Variants in TTLL11 observed in about 807,000 individuals in gnomAD.
TTLL11 encodes the protein tubulin tyrosine ligase like 11, also known as tubulin polyglutamylase TTLL11.
TTLL11 carries 42 observed loss-of-function variants against 51.7 expected under a neutral mutation model. The ratio of observed to expected loss-of-function variants is 0.81; its 90% confidence interval spans 0.64 to 1.05. The LOEUF (loss-of-function observed/expected upper bound fraction) is 1.05, where lower values mean the gene tolerates loss of function less well. TTLL11 is among the 50% of genes least tolerant of loss of function. TTLL11 has a pLI of 0.00. For missense variants in TTLL11, 799 were observed against 940.4 expected (o/e 0.85, Z 1.97); for synonymous variants, 381 against 383.5 (o/e 0.99, Z 0.08).
rs149570684 is a variant in TTLL11, at chr9:121,877,373, C to T, written c.1482-6625G>A. On this transcript the variant is annotated intron_variant, in intron 6 of 8. Transcript: ENST00000321582. Reference sequence around the variant, plus strand: ...TATCGCAGAGGCTCCATTTGCCTGACGGGTGATGCTAGGCAACTTGAAGGG... The same window carrying T: ...TATCGCAGAGGCTCCATTTGCCTGATGGGTGATGCTAGGCAACTTGAAGGG... Among the ~76,000 whole-genome samples, 154 of 152,300 alleles carry T rather than the reference C, an allele frequency of 1.0e-3. 1 individual carries two copies. Among genetic ancestry groups the T allele is most frequent in the African/African-American group, 3.5e-3 (145 of 41,572 alleles).
Position 121,968,323 on chromosome 9 carries a change from G to A in TTLL11, c.1481+5686C>T, listed in dbSNP as rs574510391. Among the ~76,000 whole-genome samples, 6 of 152,234 alleles carry A rather than the reference G, an allele frequency of 3.9e-5. No homozygotes were observed. In the East Asian group the frequency reaches 9.6e-4, roughly 24 times the overall value. On this transcript the variant is annotated intron_variant, in intron 6 of 8. Transcript: ENST00000321582. Reference sequence around the variant, plus strand: ...TGTTTTCCTCCTTCAGGAGCCAAAGGTAATTTCTCCTAACACATGAAATAA... The same window carrying A: ...TGTTTTCCTCCTTCAGGAGCCAAAGATAATTTCTCCTAACACATGAAATAA...
At chr9:121,903,204 G>A (rs1839829915) in intron 6 of TTLL11, among the ~76,000 whole-genome samples, 1 of 152,106 alleles carries the variant, frequency 6.6e-6, no homozygotes, top group Non-Finnish European at 1.5e-5. Flanking sequence ...CTATTTTACA[G>A]ACAGAAAAAC....
chr9:122,003,750 G>A (rs1372659126), intron 3 of TTLL11, among the ~76,000 whole-genome samples: 15 of 150,596 alleles, frequency 1.0e-4, no homozygotes, highest in African/African-American at 2.2e-4. Context: ...CTCCCAAAGC[G>A]CTGGGATTAC....
intron 6 of TTLL11, among the ~76,000 whole-genome samples, chr9:121,957,624 AG>A (rs1842060644): frequency 6.6e-6 from 1 of 152,142 alleles, no homozygotes; most frequent in Non-Finnish European, 1.5e-5. Context: ...AGGGGCAAGG[AG>A]TCCTTGAGGC....
intron 3 of TTLL11, among the ~76,000 whole-genome samples, chr9:122,027,894 T>C (rs1323556165): frequency 6.6e-6 from 1 of 152,328 alleles, no homozygotes. Context: ...AGTTTCTTTA[T>C]AGGATAATTG....
intron 6 of TTLL11, among the ~76,000 whole-genome samples, chr9:121,871,405 C>G (rs1838351582): frequency 6.6e-6 from 1 of 152,094 alleles, no homozygotes. Flanking sequence ...CCCCCTGCCC[C>G]AAATCTATGT....
At chr9:122,038,910 T>C (rs1291180869) in intron 2 of TTLL11, among the ~76,000 whole-genome samples, 2 of 152,222 alleles carry the variant, frequency 1.3e-5, no homozygotes, top group Non-Finnish European at 2.9e-5. Flanking sequence ...GGGAAGCTGA[T>C]ACCCCATTTC....
At chr9:122,053,314 C>T (rs1285900560) in intron 1 of TTLL11, among the ~76,000 whole-genome samples, 1 of 152,074 alleles carries the variant, frequency 6.6e-6, no homozygotes, top group Admixed American at 6.6e-5. Context: ...GCCACTGGAG[C>T]GGGGCGTGAA....
chr9:121,854,157 A>G (rs1837749134), intron 8 of TTLL11, among the ~76,000 whole-genome samples: 1 of 152,130 alleles, frequency 6.6e-6, no homozygotes, highest in African/African-American at 2.4e-5. Context: ...CGCAGATTGA[A>G]AGCCCAGTTT....
At chr9:121,880,510 G>C (rs534801968) in intron 6 of TTLL11, among the ~76,000 whole-genome samples, 2 of 152,208 alleles carry the variant, frequency 1.3e-5, no homozygotes, top group African/African-American at 4.8e-5. Flanking sequence ...TCATCATCAA[G>C]AAATTTTTTG....
chr9:121,899,903 C>T lies in TTLL11; in HGVS notation c.1482-29155G>A, dbSNP rs146225555. On this transcript the variant is annotated intron_variant, in intron 6 of 8. Coordinates refer to ENST00000321582, the MANE Select transcript of TTLL11 (RefSeq NM_001139442.2). ...TGACTAAATTTAAAAATTACCCTTC[C>T]AAATGTCTCTTAGGAGTTTTACATT... Among the ~76,000 whole-genome samples the T allele has an allele frequency of 3.0e-3, 460 of 152,322 alleles. 3 individuals carry two copies. The highest frequency in any genetic ancestry group is 0.011 in the African/African-American group (442 of 41,554).
intron 2 of TTLL11, among the ~76,000 whole-genome samples, chr9:122,032,170 C>T (rs1449166752): frequency 2.6e-5 from 4 of 152,158 alleles, no homozygotes; most frequent in African/African-American, 9.7e-5. Flanking sequence ...AATAGGGAAG[C>T]ATTTATATCT....
At chr9:121,936,963 T>A (rs1159543652) in intron 6 of TTLL11, among the ~76,000 whole-genome samples, 2 of 152,242 alleles carry the variant, frequency 1.3e-5, no homozygotes, top group African/African-American at 4.8e-5. Flanking sequence ...GTCTTTGACA[T>A]CATTTCAAAT....
In TTLL11 at chr9:121,956,554, G is replaced by T. The variant is rs1477091370; in HGVS notation, c.1481+17455C>A. Among the ~76,000 whole-genome samples, 9 of 152,306 alleles carry T rather than the reference G, an allele frequency of 5.9e-5. No homozygotes were observed. The East Asian group carries it at 1.7e-3, about 29-fold the overall frequency. Reference sequence around the variant, plus strand: ...GTTTCAATGGCCTCCCTCGCCAGGGGCATCCTCCATCACTGTGCATGAGGA... The same window carrying T: ...GTTTCAATGGCCTCCCTCGCCAGGGTCATCCTCCATCACTGTGCATGAGGA... On this transcript the variant is annotated intron_variant, in intron 6 of 8. Coordinates refer to ENST00000321582, the MANE Select transcript of TTLL11 (RefSeq NM_001139442.2).
intron 3 of TTLL11, among the ~76,000 whole-genome samples, chr9:122,026,872 T>C (rs1844358953): frequency 8.1e-6 from 1 of 123,006 alleles, no homozygotes; most frequent in Non-Finnish European, 1.7e-5. Context: ...GAATCTAACA[T>C]GAGAAAAATC....
At chr9:121,986,563 G>A (rs952604357) in intron 4 of TTLL11, among the ~76,000 whole-genome samples, 1 of 152,104 alleles carries the variant, frequency 6.6e-6, no homozygotes, top group African/African-American at 2.4e-5. Context: ...GCTGAGCTGT[G>A]CATCCTCCCT....
intron 8 of TTLL11, among the ~76,000 whole-genome samples, chr9:121,849,960 T>C (rs1374645765): frequency 6.6e-6 from 1 of 152,214 alleles, no homozygotes; most frequent in Non-Finnish European, 1.5e-5. Flanking sequence ...TCCTGCTGTA[T>C]ACTTCAAATT....
rs547408355 is a variant in TTLL11 at position 122,002,944 on chromosome 9, C to CAAAAAAAAAAAAA, written c.694-13187_694-13175dup. 3.8e-3 allele frequency among the ~76,000 whole-genome samples: 234 copies of CAAAAAAAAAAAAA among 61,204 alleles called. 5 individuals are homozygous for CAAAAAAAAAAAAA. Among genetic ancestry groups the CAAAAAAAAAAAAA allele is most frequent in the African/African-American group, 0.019 (226 of 11,868 alleles). 40.2% of individuals were successfully genotyped at this position (61,204 alleles called of 152,430 possible). A position where few individuals can be genotyped will look rare whatever the true frequency, so the allele number is the denominator to read the frequency against. ...CTGGCAACAGAGTGAGACTCTGTCT[C>CAAAAAAAAAAAAA]AAAAAAAAAAAAAAAAAAAAGAGAT... is the stretch of plus-strand genomic sequence containing the variant. On this transcript the variant is annotated intron_variant, in intron 3 of 8. Coordinates refer to ENST00000321582, the MANE Select transcript of TTLL11 (RefSeq NM_001139442.2).
chr9:122,003,402 T>C (rs755240968), intron 3 of TTLL11, among the ~76,000 whole-genome samples: 7 of 152,078 alleles, frequency 4.6e-5, no homozygotes, highest in Non-Finnish European at 7.4e-5. Context: ...TTAGTCAATA[T>C]ATATTATAAC....
Sources: gnomAD v4.1 joint callset for allele counts (sites outside exome capture counted in the v4.1 genomes callset) on GRCh38, gnomAD v4.1.1 for gene constraint, MANE v1.5 for transcripts, NCBI Gene and HGNC (gene_info 2026-07-23, HGNC 2026-07-21) for gene names.